Variants in CTDSPL observed in about 807,000 individuals in gnomAD.
The protein encoded by CTDSPL is CTD small phosphatase like.
In CTDSPL, 8 loss-of-function variants were observed where a neutral mutation model predicts 30.5. The ratio of observed to expected loss-of-function variants is 0.26; its 90% CI spans 0.15 to 0.47. CTDSPL has a LOEUF of 0.47. CTDSPL is among the 20% of genes least tolerant of loss of function. The probability of loss-of-function intolerance (pLI) is 0.99; values close to 1 mark genes in which losing one functional copy is unlikely to be tolerated. For synonymous variants in CTDSPL, 110 were observed against 137.9 expected, an observed-to-expected ratio of 0.80 and a Z score of 1.42; for missense variants, 248 against 366.1, an observed-to-expected ratio of 0.68 and a Z score of 2.63.
At chr3:37,968,685 G>A (rs761371476) in intron 5 of CTDSPL, among the ~76,000 whole-genome samples, 14 of 152,322 alleles carry the variant, frequency 9.2e-5, no homozygotes, top group South Asian at 2.1e-4. Context: ...ACAACGGGAT[G>A]TCTTTTCTTA....
intron 1 of CTDSPL, among the ~76,000 whole-genome samples, chr3:37,868,617 CTGAG>C (rs1391217084): frequency 6.6e-6 from 1 of 151,982 alleles, no homozygotes; most frequent in East Asian, 1.9e-4. Context: ...TTTTTTGTCT[CTGAG>C]TGTCTGGTTG....
intron 1 of CTDSPL, among the ~76,000 whole-genome samples, chr3:37,911,989 G>GA (rs1698588881): frequency 6.6e-6 from 1 of 152,210 alleles, no homozygotes; most frequent in Non-Finnish European, 1.5e-5. Flanking sequence ...TTGAACCTGG[G>GA]AGGCAGAGGT....
chr3:37,978,367 A>AT (rs988635717), intron 7 of CTDSPL, among the ~76,000 whole-genome samples: 1 of 152,116 alleles, frequency 6.6e-6, no homozygotes, highest in African/African-American at 2.4e-5. Flanking sequence ...AGTGTCTTGG[A>AT]TTTTGGATTT....
rs146506714 is a variant in CTDSPL, at chr3:37,979,878, A to G, written c.706-864A>G. Among the ~76,000 whole-genome samples, 186 of 152,356 alleles carry G rather than the reference A, an allele frequency of 1.2e-3. 1 individual carries two copies. The highest frequency in any genetic ancestry group is 4.4e-3 in the African/African-American group (182 of 41,574). ...TGGTTTAATTGTATTTTAATTATAT[A>G]ACACATTTACATGGTTCCGACATCA... On this transcript the variant is annotated intron_variant, in intron 7 of 7. Transcript: ENST00000273179.
intron 3 of CTDSPL, among the ~76,000 whole-genome samples, chr3:37,961,163 C>G (rs1455494754): frequency 6.6e-6 from 1 of 152,154 alleles, no homozygotes; most frequent in Non-Finnish European, 1.5e-5. Context: ...ACTCAGTTGT[C>G]CCAGCACCAT....
chr3:37,886,867 G>A (rs1698268942), intron 1 of CTDSPL, among the ~76,000 whole-genome samples: 1 of 152,126 alleles, frequency 6.6e-6, no homozygotes, highest in Admixed American at 6.5e-5. Context: ...GTAGGTTTAG[G>A]GTAAGACCTG....
chr3:37,931,632 G>C (rs993018267), intron 1 of CTDSPL, among the ~76,000 whole-genome samples: 3 of 151,784 alleles, frequency 2.0e-5, no homozygotes, highest in Non-Finnish European at 4.4e-5. Context: ...TTTTTGTAGT[G>C]ACATGCTTTG....
At chr3:37,909,836 G>A (rs1337726368) in intron 1 of CTDSPL, among the ~76,000 whole-genome samples, 3 of 152,158 alleles carry the variant, frequency 2.0e-5, no homozygotes, top group Non-Finnish European at 2.9e-5. Context: ...TCAGGATTGT[G>A]GTGCCCATGA....
At position 37,975,100 on chromosome 3, in the gene CTDSPL, A is replaced by G. The variant is rs2125635165; in HGVS notation, c.520-609A>G. ...AAGTCAAGACCTGAAAAACCAGGAG[A>G]CAGATGTTCTGCAAAGAGCTGGGGA... On this transcript the variant is annotated intron_variant, in intron 6 of 7. Coordinates refer to ENST00000273179, the MANE Select transcript of CTDSPL (RefSeq NM_001008392.2). The surrounding 1 kb of genome is among the most constrained non-coding windows in gnomAD (Gnocchi z 4.9). Among the ~76,000 whole-genome samples the G allele has an allele frequency of 6.6e-6, 1 of 152,304 alleles. No individual in the cohort carries two copies. Among genetic ancestry groups the G allele is most frequent in the Non-Finnish European group, 1.5e-5 (1 of 68,018 alleles).
intron 1 of CTDSPL, among the ~76,000 whole-genome samples, chr3:37,882,748 C>G (rs1698222012): frequency 6.6e-6 from 1 of 152,204 alleles, no homozygotes; most frequent in Admixed American, 6.5e-5. Context: ...TTAGTTGGTT[C>G]TTTCCTCCAA....
intron 1 of CTDSPL, among the ~76,000 whole-genome samples, chr3:37,922,689 A>G (rs1441028347): frequency 4.6e-5 from 7 of 152,208 alleles, no homozygotes; most frequent in Admixed American, 4.6e-4. Flanking sequence ...ATGGGCTAGC[A>G]TGGGCACTTT....
rs183384471 is a variant in CTDSPL, at chr3:37,931,955, G to A, written c.80-15102G>A. Among the ~76,000 whole-genome samples, 260 of 152,142 alleles carry A rather than the reference G, an allele frequency of 1.7e-3. 2 individuals carry two copies. Among genetic ancestry groups the A allele is most frequent in the East Asian group, 0.015 (78 of 5,180 alleles). ...GTGACTCTAACATTCATTTGTAAGT[G>A]TAAAGTGTTAGACTAGCCAAGAAAT... On this transcript the variant is annotated intron_variant, in intron 1 of 7. Coordinates refer to ENST00000273179, the MANE Select transcript of CTDSPL (RefSeq NM_001008392.2).
In CTDSPL at chr3:37,983,293, C is replaced by T. The variant is rs965158613; in HGVS notation, c.*2426C>T. The T allele has an allele frequency of 1.3e-5, 2 of 150,722 alleles. No individual in the cohort carries two copies. The highest frequency in any genetic ancestry group is 2.9e-5 in the Non-Finnish European group (2 of 67,958). 9.3% of individuals were successfully genotyped at this position (150,722 alleles called of 1,614,324 possible). On this transcript the variant is annotated 3_prime_UTR_variant, in exon 8 of 8. Coordinates refer to ENST00000273179, the MANE Select transcript of CTDSPL (RefSeq NM_001008392.2). The stretch of plus-strand genomic sequence containing the variant: ...ATGTACATAATCAAAATATCTATAT[C>T]TATATCTATATCTATATCTATATAT...
intron 2 of CTDSPL, among the ~76,000 whole-genome samples, chr3:37,949,483 T>C (rs1699083906): frequency 6.6e-6 from 1 of 152,194 alleles, no homozygotes; most frequent in African/African-American, 2.4e-5. Context: ...CCCTTCAAAA[T>C]GATATGTCGT....
chr3:37,950,505 C>G (rs969284664), intron 2 of CTDSPL, among the ~76,000 whole-genome samples: 1 of 152,178 alleles, frequency 6.6e-6, no homozygotes, highest in African/African-American at 2.4e-5. Context: ...AGAATGGTCA[C>G]TGCTGGGAAC....
At chr3:37,947,421 G>C (rs912375993) in intron 2 of CTDSPL, among the ~76,000 whole-genome samples, 1 of 152,102 alleles carries the variant, frequency 6.6e-6, no homozygotes, top group South Asian at 2.1e-4. Context: ...TTAGCTGGGC[G>C]TGGTGGCAGG....
At chr3:37,942,400 C>G (rs1468414620) in intron 1 of CTDSPL, among the ~76,000 whole-genome samples, 2 of 150,368 alleles carry the variant, frequency 1.3e-5, no homozygotes, top group Non-Finnish European at 3.0e-5. Context: ...CCCAGCACTT[C>G]GGGAGGCCGA....
chr3:37,942,868 AC>A (rs1465165529), intron 1 of CTDSPL, among the ~76,000 whole-genome samples: 1 of 150,136 alleles, frequency 6.7e-6, no homozygotes, highest in East Asian at 1.9e-4. Context: ...CACATTCCTA[AC>A]CACCACACAT....
At chr3:37,916,198 C>T (rs373869492) in intron 1 of CTDSPL, among the ~76,000 whole-genome samples, 192 of 152,330 alleles carry the variant, frequency 1.3e-3, no homozygotes, top group African/African-American at 4.5e-3. Flanking sequence ...TTTCTCTCTT[C>T]ACCAGAATCT....
Sources: gnomAD v4.1 joint callset for allele counts (sites outside exome capture counted in the v4.1 genomes callset) on GRCh38, gnomAD v4.1.1 for gene constraint, Gnocchi (gnomAD v3.1) non-coding constraint, MANE v1.5 for transcripts, NCBI Gene and HGNC (gene_info 2026-07-23, HGNC 2026-07-21) for gene names.